C2orf42: variants seen among roughly 807,000 people sequenced by gnomAD.
The protein encoded by C2orf42 is chromosome 2 open reading frame 42.
C2orf42 carries 44 observed loss-of-function variants against 58.9 expected under a neutral mutation model. The ratio of observed to expected loss-of-function variants is 0.75; its 90% CI spans 0.59 to 0.96. The LOEUF (loss-of-function observed/expected upper bound fraction) is 0.96, where lower values mean the gene tolerates loss of function less well. Among genes scored for constraint, C2orf42 ranks in the 40% least tolerant of loss-of-function variants. The probability of loss-of-function intolerance (pLI) is 0.00; values close to 1 mark genes in which losing one functional copy is unlikely to be tolerated. For synonymous variants in C2orf42, 239 were observed against 265.4 expected (o/e 0.90, Z 0.97); for missense variants, 630 against 699.2 (o/e 0.90, Z 1.12).
chr2:70,179,678 TC>T, intron 3 of C2orf42, 36 bp from the exon 4 acceptor site: 2 of 883,808 alleles, frequency 2.3e-6, no homozygotes, highest in Non-Finnish European at 1.9e-6. Context: ...ATTAATCCTA[TC>T]CAAGGGTAAG....
chr2:70,177,137 T>G (rs1674243824), intron 4 of C2orf42, among the ~76,000 whole-genome samples: 1 of 151,906 alleles, frequency 6.6e-6, no homozygotes, highest in African/African-American at 2.4e-5. Context: ...CTGGGTGTGG[T>G]GGCGAGCACC....
chr2:70,167,465 G>A lies in C2orf42; in HGVS notation c.1145-1830C>T, dbSNP rs143574227. Among the ~76,000 whole-genome samples the A allele has an allele frequency of 7.0e-3, 1,062 of 152,240 alleles. 12 individuals are homozygous for A. Among genetic ancestry groups the A allele is most frequent in the African/African-American group, 0.025 (1,018 of 41,542 alleles). ...TTCTTAAAAATTCTGTCCAGACCAG[G>A]TGTGGTGGCTCACACCTGTAATTCC... is the stretch of plus-strand genomic sequence containing the variant. On this transcript the variant is annotated intron_variant, in intron 6 of 9. Coordinates refer to ENST00000264434, the MANE Select transcript of C2orf42 (RefSeq NM_017880.3).
chr2:70,188,728 T>C (rs938582005), intron 1 of C2orf42, among the ~76,000 whole-genome samples: 1 of 152,202 alleles, frequency 6.6e-6, no homozygotes. Flanking sequence ...CCACATTGCA[T>C]TGAGTCATCA....
chr2:70,190,566 G>A (rs1230177286), intron 1 of C2orf42: 1 of 152,168 alleles, frequency 6.6e-6, no homozygotes, highest in Non-Finnish European at 1.5e-5. Context: ...TAGTCGGCTG[G>A]ATGGCTTGCC....
chr2:70,159,239 T>C (rs989794994), intron 9 of C2orf42, among the ~76,000 whole-genome samples: 1 of 151,546 alleles, frequency 6.6e-6, no homozygotes, highest in Non-Finnish European at 1.5e-5. Flanking sequence ...TCCAAGAAAA[T>C]ATTAGGAAAA....
At chr2:70,187,263 T>C (rs1308493633) in intron 1 of C2orf42, among the ~76,000 whole-genome samples, 1 of 152,202 alleles carries the variant, frequency 6.6e-6, no homozygotes, top group African/African-American at 2.4e-5. Context: ...TTGTTGTTGT[T>C]GTTGACAACG....
intron 6 of C2orf42, among the ~76,000 whole-genome samples, chr2:70,168,569 T>C (rs1305387824): frequency 6.6e-6 from 1 of 150,404 alleles, no homozygotes. Context: ...ATTACAGGCA[T>C]GAGCCACCGC....
intron 6 of C2orf42, among the ~76,000 whole-genome samples, chr2:70,166,470 A>G (rs1673412375): frequency 6.7e-6 from 1 of 148,854 alleles, no homozygotes; most frequent in Non-Finnish European, 1.5e-5. Context: ...GTTCGAGACC[A>G]GCTTGGCCAA....
At chr2:70,183,157 G>A (rs1194166771) in intron 1 of C2orf42, among the ~76,000 whole-genome samples, 1 of 152,116 alleles carries the variant, frequency 6.6e-6, no homozygotes, top group Non-Finnish European at 1.5e-5. Flanking sequence ...CACTTTAGAG[G>A]TCTGGCATGG....
At position 70,169,247 on chromosome 2, in the gene C2orf42, C is replaced by CCACA. The variant is rs35414580; in HGVS notation, c.1144+306_1144+309dup. On this transcript the variant is annotated intron_variant, in intron 6 of 9. Transcript: ENST00000264434. Reference sequence around the variant, plus strand: ...TCATAAAGCTTCAGTATCTCCCTCACCACACACACACACACACACACACAC... The same window carrying CCACA: ...TCATAAAGCTTCAGTATCTCCCTCACCACACACACACACACACACACACACACAC... Among the ~76,000 whole-genome samples the CCACA allele has an allele frequency of 6.6e-3, 928 of 141,120 alleles. 9 individuals are homozygous for CCACA. The highest frequency in any genetic ancestry group is 0.026 in the East Asian group (115 of 4,440). The allele number at this position is 141,120 out of a possible 152,430, so 92.6% of individuals were successfully genotyped here.
intron 8 of C2orf42, among the ~76,000 whole-genome samples, chr2:70,163,477 C>A (rs943395975): frequency 1.3e-5 from 2 of 151,590 alleles, no homozygotes; most frequent in Non-Finnish European, 2.9e-5. Context: ...GATCTCCTGA[C>A]CTCGTGATCC....
intron 8 of C2orf42, among the ~76,000 whole-genome samples, chr2:70,163,972 C>G (rs994651823): frequency 6.6e-6 from 1 of 151,626 alleles, no homozygotes; most frequent in Non-Finnish European, 1.5e-5. Context: ...GAATTTGAGA[C>G]CAGCCTGGGC....
chr2:70,159,088 A>G (rs970746395), intron 9 of C2orf42, among the ~76,000 whole-genome samples: 4 of 142,838 alleles, frequency 2.8e-5, no homozygotes, highest in African/African-American at 1.1e-4. Context: ...GGGTTTCACC[A>G]TGTTAGCCAG....
At chr2:70,189,403 T>C (rs1212320698) in intron 1 of C2orf42, among the ~76,000 whole-genome samples, 2 of 39,310 alleles carry the variant, frequency 5.1e-5, no homozygotes, top group Non-Finnish European at 8.1e-5. Context: ...AGAAACTCCA[T>C]CTCAAAAAAA....
intron 1 of C2orf42, among the ~76,000 whole-genome samples, chr2:70,186,714 CAAT>C (rs1209816010): frequency 3.3e-5 from 5 of 152,114 alleles, no homozygotes; most frequent in African/African-American, 4.8e-5. Flanking sequence ...AAATATCCAA[CAAT>C]GATAGACTGG....
At position 70,169,574 on chromosome 2, in the gene C2orf42, A is replaced by C. The variant is rs773327362; in HGVS notation, c.1127T>G (p.Met376Arg). Residue 376 changes from methionine to arginine, a missense_variant, in exon 6 of 10, where the codon ATG becomes AGG. Met to Arg is a moderately conservative substitution (Grantham distance 91). Coordinates refer to ENST00000264434, the MANE Select transcript of C2orf42 (RefSeq NM_017880.3). ...ASVTERIHQT[M>R]HYQFDGKPEP... ...ATACTTACCATCAAACTGATAGTGC[A>C]TGGTTTGATGGATGCGTTCTGTGAC... The C allele has an allele frequency of 6.3e-7, 1 of 1,579,894 alleles. No individual in the cohort carries two copies. The highest frequency in any genetic ancestry group is 1.3e-5 in the African/African-American group (1 of 74,206).
Position 70,181,246 on chromosome 2 carries a change from T to A in C2orf42, c.740A>T (p.His247Leu), listed in dbSNP as rs781072229. 9 of 1,607,572 alleles carry A rather than the reference T, an allele frequency of 5.6e-6. No individual in the cohort carries two copies. Among genetic ancestry groups the A allele is most frequent in the Non-Finnish European group, 8.5e-7 (1 of 1,174,764 alleles). Reference sequence around the variant, plus strand: ...AAAGGCACAGATGCAAGCAAAGAAATGAATGCATCTCTGGGCTGTCTCATC... The same window carrying A: ...AAAGGCACAGATGCAAGCAAAGAAAAGAATGCATCTCTGGGCTGTCTCATC... ...SKDETAQRCI[H>L]FFACICAFAS... The change falls in exon 3 of 10, where the codon CAT (histidine) becomes CTT (leucine). Residue 247 changes from histidine (H) to leucine (L), a missense_variant. His to Leu is a moderately conservative substitution (Grantham distance 99). Transcript: ENST00000264434.
At position 70,179,566 on chromosome 2, in the gene C2orf42, A is replaced by T; in HGVS notation, c.900T>A (p.Ser300=). ...STVSACESTA[S]KSKKRRKDEV... ...CATCCTTTCTCCTCTTCTTTGACTT[A>T]GAGGCAGTAGACTCACAAGCAGATA... Residue 300 remains serine, a synonymous_variant, in exon 4 of 10, where the codon TCT becomes TCA. Transcript: ENST00000264434. 6.4e-7 allele frequency: 1 copy of T among 1,558,872 alleles called. No homozygotes were observed. The highest frequency in any genetic ancestry group is 1.1e-5 in the South Asian group (1 of 89,584).
chr2:70,172,588 AG>A (rs981282577), intron 5 of C2orf42, among the ~76,000 whole-genome samples: 5 of 152,024 alleles, frequency 3.3e-5, no homozygotes, highest in African/African-American at 9.7e-5. Context: ...CTAAGGTGGG[AG>A]GATAATTTGA....
Sources: allele counts gnomAD v4.1 joint callset (sites outside exome capture counted in the v4.1 genomes callset), GRCh38; gene constraint gnomAD v4.1.1; transcripts MANE v1.5; gene names NCBI Gene and HGNC (gene_info 2026-07-23, HGNC 2026-07-21).